Variants in PCM1 observed in about 807,000 individuals in gnomAD.
PCM1 encodes pericentriolar material 1 protein.
A neutral mutation model predicts 241.9 loss-of-function variants in PCM1; 157 were observed. The observed-to-expected ratio is 0.65, with a 90% CI of 0.57 to 0.74. The LOEUF (loss-of-function observed/expected upper bound fraction) is 0.74, where lower values mean the gene tolerates loss of function less well. Ranked by LOEUF, PCM1 falls within the 30% of genes least tolerant of loss-of-function variation. PCM1 has a pLI of 0.00. For missense variants in PCM1, 3,478 were observed against 2,360.1 expected (o/e 1.47, Z -9.81); for synonymous variants, 1,085 against 784.9 (o/e 1.38, Z -6.39).
At chr8:17,939,133 C>A in intron 5 of PCM1, 124 bp downstream of exon 5, 2 of 815,562 alleles carry the variant, frequency 2.5e-6, no homozygotes, top group Non-Finnish European at 3.8e-6. Context: ...GCTTCACTGA[C>A]CTCCTTTGTT....
In PCM1 at chr8:18,014,434, C is replaced by T. The variant is rs1460933663; in HGVS notation, c.5585-150C>T. 5.5e-6 allele frequency: 3 copies of T among 543,352 alleles called. No individual in the cohort carries two copies. In the East Asian group the frequency reaches 9.7e-5, roughly 17 times the overall value. 33.7% of individuals were successfully genotyped at this position (543,352 alleles called of 1,614,324 possible). A position where few individuals can be genotyped will look rare whatever the true frequency, so the allele number is the denominator to read the frequency against. ...GATTTTGATCAACTAAATTTGGGAA[C>T]CATTGATAAGGAAAATTTGTAGTTG... On this transcript the variant is annotated intron_variant, in intron 35 of 38. Coordinates refer to ENST00000325083, the MANE Select transcript of PCM1 (RefSeq NM_006197.4).
At chr8:18,018,848 GTGTGTA>G (rs1391166153) in intron 36 of PCM1, among the ~76,000 whole-genome samples, 95 of 36,308 alleles carry the variant, frequency 2.6e-3, no homozygotes, top group African/African-American at 7.7e-3. Flanking sequence ...ATGTGTGTGT[GTGTGTA>G]TATATATATA....
rs1391495477 is a variant in PCM1, at chr8:17,957,701, G to A, written c.1966G>A (p.Glu656Lys). ...TGAGCATCCAGAAGATGCTGAATTTGAACAGAAGATCAACCGACTTATGGC... is the reference window on the plus strand; with the variant it reads ...TGAGCATCCAGAAGATGCTGAATTTAAACAGAAGATCAACCGACTTATGGC... ...VDEHPEDAEFEQKINRLMAAK... is the reference protein window; with the variant it reads ...VDEHPEDAEFKQKINRLMAAK... The change falls in exon 13 of 39, where the codon GAA (glutamate) becomes AAA (lysine). Residue 656 changes from glutamate (E) to lysine (K), a missense_variant. Coordinates refer to ENST00000325083, the MANE Select transcript of PCM1 (RefSeq NM_006197.4). The A allele has an allele frequency of 1.2e-6, 2 of 1,613,060 alleles. No individual in the cohort carries two copies. The highest frequency in any genetic ancestry group is 1.7e-6 in the Non-Finnish European group (2 of 1,179,488).
At position 17,957,246 on chromosome 8, in the gene PCM1, C is replaced by T; in HGVS notation, c.1647-18C>T. 1.3e-6 allele frequency: 2 copies of T among 1,564,448 alleles called. No homozygotes were observed. Among genetic ancestry groups the T allele is most frequent in the South Asian group, 1.2e-5 (1 of 82,516 alleles). ...TTTTTGTGCCTTAAATGACTTCAGG[C>T]TGTTTTCTTTCTTCTAGAAATCCAC... is the stretch of plus-strand genomic sequence containing the variant. On this transcript the variant is annotated intron_variant, in intron 11 of 38. Transcript: ENST00000325083.
intron 38 of PCM1, among the ~76,000 whole-genome samples, chr8:18,026,545 C>G (rs1357765063): frequency 6.6e-6 from 1 of 151,706 alleles, no homozygotes; most frequent in Non-Finnish European, 1.5e-5. Context: ...AGGCGTGAAC[C>G]ACCATGCCCA....
At position 18,010,668 on chromosome 8, in the gene PCM1, A is replaced by G. The variant is rs1404567664; in HGVS notation, c.5220A>G (p.Lys1740=). 1.9e-6 allele frequency: 3 copies of G among 1,594,318 alleles called. No individual in the cohort carries two copies. The highest frequency in any genetic ancestry group is 2.6e-6 in the Non-Finnish European group (3 of 1,169,848). ...CTGGAGAGATTGATGATGAAGACAA[A>G]GTATGTGCTAATTAATTTTTGCCTA... ...SPAGEIDDED[K]DKDETETVKQ... is the part of the protein sequence containing the mutation. The change falls in exon 32 of 39, where the codon AAA becomes AAG. Residue 1740 remains lysine (K), a splice_region_variant and synonymous_variant. Coordinates refer to ENST00000325083, the MANE Select transcript of PCM1 (RefSeq NM_006197.4).
Position 18,018,852 on chromosome 8 carries a change from G to GTATA in PCM1, c.5841+4037_5841+4040dup, listed in dbSNP as rs71519940. On this transcript the variant is annotated intron_variant, in intron 36 of 38. Coordinates refer to ENST00000325083, the MANE Select transcript of PCM1 (RefSeq NM_006197.4). ...TATATATATATATGTGTGTGTGTGT[G>GTATA]TATATATATATATATATATATATAT... Among the ~76,000 whole-genome samples the GTATA allele has an allele frequency of 2.8e-3, 148 of 53,622 alleles. 1 individual carries two copies. Among genetic ancestry groups the GTATA allele is most frequent in the South Asian group, 7.5e-3 (18 of 2,396 alleles). The allele number at this position is 53,622 out of a possible 152,430, so 35.2% of individuals were successfully genotyped here. A position where few individuals can be genotyped will look rare whatever the true frequency, so the allele number is the denominator to read the frequency against.
chr8:17,972,485 C>A lies in PCM1; in HGVS notation c.3741C>A (p.Asn1247Lys). ...SSNRKNQLDT[N>K]GRRRQFDEES... ...ACCGCAAAAATCAATTAGATACAAA[C>A]GGAAGAAGACGCCAGTTTGATGAAG... Residue 1247 changes from asparagine (N) to lysine (K), a missense_variant, in exon 23 of 39, where the codon AAC (asparagine) becomes AAA (lysine). Transcript: ENST00000325083. 1 of 1,613,800 alleles carries A rather than the reference C, an allele frequency of 6.2e-7. No homozygotes were observed. The highest frequency in any genetic ancestry group is 8.5e-7 in the Non-Finnish European group (1 of 1,179,788).
At chr8:17,925,268 G>A (rs1174105539) in intron 2 of PCM1, 1 of 152,066 alleles carries the variant, frequency 6.6e-6, no homozygotes, top group Non-Finnish European at 1.5e-5. Context: ...AAAGTTACTT[G>A]AAACATTACT....
chr8:17,975,006 G>A (rs1320928000), intron 23 of PCM1, among the ~76,000 whole-genome samples: 2 of 152,102 alleles, frequency 1.3e-5, no homozygotes, highest in Non-Finnish European at 2.9e-5. Context: ...TGGACAAGCA[G>A]CATTACATCA....
chr8:17,945,536 T>G (rs2063472591), intron 6 of PCM1, among the ~76,000 whole-genome samples: 1 of 152,200 alleles, frequency 6.6e-6, no homozygotes, highest in East Asian at 1.9e-4. Flanking sequence ...ATAACTTTCT[T>G]GAATATTTAA....
rs775657359 is a variant in PCM1, at chr8:17,991,501, C to G, written c.4532-41C>G. The G allele has an allele frequency of 2.7e-6, 4 of 1,501,182 alleles. No individual in the cohort carries two copies. The African/African-American group carries it at 5.6e-5, about 21-fold the overall frequency. 93.0% of individuals were successfully genotyped at this position (1,501,182 alleles called of 1,614,324 possible). A position where few individuals can be genotyped will look rare whatever the true frequency, so the allele number is the denominator to read the frequency against. On this transcript the variant is annotated intron_variant, in intron 27 of 38. Transcript: ENST00000325083. ...ATTTTGAGGAATATATGAAAAAGTT[C>G]ACTTTTACATACTCAAAAAATATTT...
chr8:17,948,617 T>C (rs1472565476), intron 7 of PCM1, among the ~76,000 whole-genome samples: 1 of 152,172 alleles, frequency 6.6e-6, no homozygotes, highest in Admixed American at 6.5e-5. Flanking sequence ...ACTTACTCTT[T>C]TGTAGTAATG....
At position 17,993,550 on chromosome 8, in the gene PCM1, T is replaced by C. The variant is rs1481018926; in HGVS notation, c.4758T>C (p.Pro1586=). ...PVSEVSTIPC[P]RIDTQQLDRQ... is the part of the protein sequence containing the mutation. Reference sequence around the variant, plus strand: ...GTGAAGTTTCTACCATCCCATGTCCTAGAATTGATACTCAGCAGCTGGACC... The same window carrying C: ...GTGAAGTTTCTACCATCCCATGTCCCAGAATTGATACTCAGCAGCTGGACC... Residue 1586 remains proline, a synonymous_variant, in exon 29 of 39, where the codon CCT becomes CCC. Coordinates refer to ENST00000325083, the MANE Select transcript of PCM1 (RefSeq NM_006197.4). The C allele has an allele frequency of 1.3e-6, 2 of 1,597,760 alleles. No individual in the cohort carries two copies. Among genetic ancestry groups the C allele is most frequent in the South Asian group, 2.3e-5 (2 of 88,362 alleles).
chr8:17,972,088 T>C (rs180841206), intron 22 of PCM1, among the ~76,000 whole-genome samples: 13 of 152,308 alleles, frequency 8.5e-5, no homozygotes, highest in Admixed American at 8.5e-4. Context: ...TGCTAGATCT[T>C]TGATAAGGAA....
In PCM1 at chr8:17,930,549, A is replaced by G. The variant is rs547739809; in HGVS notation, c.-22-5040A>G. Among the ~76,000 whole-genome samples, 204 of 151,820 alleles carry G rather than the reference A, an allele frequency of 1.3e-3. 1 individual carries two copies. Among genetic ancestry groups the G allele is most frequent in the Non-Finnish European group, 2.3e-3 (155 of 67,944 alleles). ...ACATGAAGAGAAATAACATGCCATT[A>G]CTCTTATGAGGGAGATACTTAGTAT... On this transcript the variant is annotated intron_variant, in intron 2 of 38. Coordinates refer to ENST00000325083, the MANE Select transcript of PCM1 (RefSeq NM_006197.4).
At position 17,972,344 on chromosome 8, in the gene PCM1, T is replaced by C. The variant is rs369424436; in HGVS notation, c.3600T>C (p.Pro1200=). The C allele has an allele frequency of 1.2e-4, 178 of 1,506,872 alleles. No homozygotes were observed. Among genetic ancestry groups the C allele is most frequent in the Non-Finnish European group, 1.5e-4 (171 of 1,128,384 alleles). The allele number at this position is 1,506,872 out of a possible 1,614,324, so 93.3% of individuals were successfully genotyped here. ...GAEKPRNKKL[P]EEEVESSRTP... ...CATTGGTAAGGAATAAAAAACTGCC[T>C]GAAGAGGAGGTGGAAAGCAGTAGGA... Residue 1200 remains proline, a synonymous_variant, in exon 23 of 39, where the codon CCT becomes CCC. Coordinates refer to ENST00000325083, the MANE Select transcript of PCM1 (RefSeq NM_006197.4).
chr8:17,983,210 C>A, intron 24 of PCM1: 1 of 1,288,826 alleles, frequency 7.8e-7, no homozygotes, highest in Non-Finnish European at 1.0e-6. Flanking sequence ...TATGTTCATC[C>A]TTATGTCTGC....
chr8:17,980,726 A>T lies in PCM1; in HGVS notation c.4079A>T (p.Lys1360Ile), dbSNP rs748065459. The T allele has an allele frequency of 3.7e-6, 6 of 1,611,324 alleles. No individual in the cohort carries two copies. The South Asian group carries it at 6.6e-5, about 18-fold the overall frequency. Residue 1360 changes from lysine to isoleucine, a missense_variant, in exon 24 of 39, where the codon AAA (lysine) becomes ATA (isoleucine). Coordinates refer to ENST00000325083, the MANE Select transcript of PCM1 (RefSeq NM_006197.4). ...KNHEQLEKIIKCNRSTEISSE... is the reference protein window; with the variant it reads ...KNHEQLEKIIICNRSTEISSE... Reference sequence around the variant, plus strand: ...CATGAGCAACTGGAAAAAATAATAAAATGTAATAGGTCTACAGAAATATCT... The same window carrying T: ...CATGAGCAACTGGAAAAAATAATAATATGTAATAGGTCTACAGAAATATCT...
Sources: allele counts gnomAD v4.1 joint callset (sites outside exome capture counted in the v4.1 genomes callset), GRCh38; gene constraint gnomAD v4.1.1; transcripts MANE v1.5; gene names NCBI Gene and HGNC (gene_info 2026-07-23, HGNC 2026-07-21).